The following RUNX1 variants were observed in gnomAD, a reference collection of about 807,000 sequenced individuals.
RUNX1 encodes the protein RUNX family transcription factor 1.
Under a neutral mutation model 42.8 loss-of-function variants are expected in RUNX1, and 19 were observed. That is an observed-to-expected ratio of 0.44 (90% CI 0.31 to 0.65). RUNX1 has a LOEUF of 0.65. Among genes scored for constraint, RUNX1 ranks in the 30% least tolerant of loss-of-function variants. The probability of loss-of-function intolerance (pLI) is 0.07; values close to 1 mark genes in which losing one functional copy is unlikely to be tolerated. For missense variants in RUNX1, 528 were observed against 672.0 expected, an observed-to-expected ratio of 0.79 and a Z score of 2.37; for synonymous variants, 271 against 289.4, an observed-to-expected ratio of 0.94 and a Z score of 0.64.
intron 3 of RUNX1, chr21:34,887,874 T>A: frequency 1.9e-6 from 2 of 1,065,084 alleles, no homozygotes; most frequent in Middle Eastern, 4.2e-4. Context: ...TTCTCTGTTC[T>A]CTCAATGAAT....
intron 2 of RUNX1, among the ~76,000 whole-genome samples, chr21:34,923,533 C>T (rs1221328564): frequency 6.6e-6 from 1 of 152,128 alleles, no homozygotes; most frequent in East Asian, 1.9e-4. Context: ...AAAAAAAGTC[C>T]AAACTCTAAA....
intron 7 of RUNX1, among the ~76,000 whole-genome samples, chr21:34,816,252 C>A (rs566847379): frequency 6.6e-6 from 1 of 152,338 alleles, no homozygotes; most frequent in Non-Finnish European, 1.5e-5. Context: ...GACTCATGCA[C>A]CCCTTTCTCT....
chr21:34,975,734 A>G lies in RUNX1; in HGVS notation c.58+73108T>C, dbSNP rs144887269. Among the ~76,000 whole-genome samples, 457 of 152,186 alleles carry G rather than the reference A, an allele frequency of 3.0e-3. 2 individuals are homozygous for G. The highest frequency in any genetic ancestry group is 0.01 in the African/African-American group (433 of 41,526). Reference sequence around the variant, plus strand: ...GGAAGGAGGGGTGGAGAGGGTAGCAATTGCAAAAATCTTTGTAAAAACAGT... The same window carrying G: ...GGAAGGAGGGGTGGAGAGGGTAGCAGTTGCAAAAATCTTTGTAAAAACAGT... On this transcript the variant is annotated intron_variant, in intron 2 of 8. Coordinates refer to ENST00000675419, the MANE Select transcript of RUNX1 (RefSeq NM_001754.5).
chr21:34,932,308 T>C (rs1341505655), intron 2 of RUNX1, among the ~76,000 whole-genome samples: 1 of 152,150 alleles, frequency 6.6e-6, no homozygotes, highest in East Asian at 1.9e-4. Context: ...GGAGCTGGTT[T>C]TGAGGAAAAG....
At chr21:35,035,796 G>A (rs1450181592) in intron 2 of RUNX1, among the ~76,000 whole-genome samples, 1 of 152,186 alleles carries the variant, frequency 6.6e-6, no homozygotes, top group Admixed American at 6.5e-5. Context: ...GCACAGGTGG[G>A]GGCTGTCCAG....
At chr21:34,810,764 G>A (rs1280029666) in intron 7 of RUNX1, among the ~76,000 whole-genome samples, 2 of 152,166 alleles carry the variant, frequency 1.3e-5, no homozygotes, top group Non-Finnish European at 2.9e-5. Context: ...CTTGAAGGCA[G>A]GAAACAGTCT....
intron 2 of RUNX1, among the ~76,000 whole-genome samples, chr21:34,952,508 G>A (rs1046552628): frequency 7.9e-5 from 12 of 152,096 alleles, no homozygotes; most frequent in Non-Finnish European, 1.3e-4. Flanking sequence ...TTATTCATAC[G>A]TGATAATGTC....
intron 2 of RUNX1, among the ~76,000 whole-genome samples, chr21:34,965,161 C>T (rs545516317): frequency 1.5e-4 from 23 of 152,136 alleles, no homozygotes; most frequent in African/African-American, 5.5e-4. Flanking sequence ...ACAACATGCA[C>T]ACTCTCACAT....
In RUNX1 at chr21:34,898,117, G is replaced by A. The variant is rs1238226696; in HGVS notation, c.59-5154C>T. On this transcript the variant is annotated intron_variant, in intron 2 of 8. Transcript: ENST00000675419. ...TGATTGACAGCCAGCAAGGAAACGA[G>A]GGCCACTATGCTACAGCCCCATGGA... Among the ~76,000 whole-genome samples the A allele has an allele frequency of 2.6e-5, 4 of 152,140 alleles. No individual in the cohort carries two copies. In the South Asian group the frequency reaches 6.2e-4, roughly 24 times the overall value.
At chr21:34,849,378 TAC>T (rs1252859157) in intron 6 of RUNX1, among the ~76,000 whole-genome samples, 3 of 40,710 alleles carry the variant, frequency 7.4e-5, no homozygotes, top group African/African-American at 2.7e-4. Flanking sequence ...ATATACTATA[TAC>T]ATAGTATATA....
chr21:34,962,839 CT>C (rs1485971852), intron 2 of RUNX1, among the ~76,000 whole-genome samples: 1 of 152,246 alleles, frequency 6.6e-6, no homozygotes, highest in East Asian at 1.9e-4. Context: ...ACCGTTGTCA[CT>C]GTCCTGACAA....
intron 2 of RUNX1, among the ~76,000 whole-genome samples, chr21:34,911,008 G>C (rs1285280748): frequency 6.6e-6 from 1 of 152,118 alleles, no homozygotes; most frequent in East Asian, 1.9e-4. Flanking sequence ...GCTTCAAGGT[G>C]ATCCTCCTGC....
chr21:34,889,361 C>T (rs1375905412), intron 3 of RUNX1, among the ~76,000 whole-genome samples: 1 of 152,102 alleles, frequency 6.6e-6, no homozygotes, highest in Non-Finnish European at 1.5e-5. Flanking sequence ...TCAGCGTCTT[C>T]CCTTGGGTCG....
chr21:34,907,225 C>G lies in RUNX1; in HGVS notation c.59-14262G>C, dbSNP rs551512037. Among the ~76,000 whole-genome samples the G allele has an allele frequency of 6.1e-4, 93 of 152,214 alleles. No homozygotes were observed. The highest frequency in any genetic ancestry group is 2.2e-3 in the African/African-American group (90 of 41,532). ...GAGAATCCCACTTAGCATCTGCCCACAGGTAAGGGGCACAGAGAAGGAGAT... is the reference window on the plus strand; with the variant it reads ...GAGAATCCCACTTAGCATCTGCCCAGAGGTAAGGGGCACAGAGAAGGAGAT... On this transcript the variant is annotated intron_variant, in intron 2 of 8. Coordinates refer to ENST00000675419, the MANE Select transcript of RUNX1 (RefSeq NM_001754.5). The surrounding 1 kb of genome is among the most constrained non-coding windows in gnomAD (Gnocchi z 5.3).
intron 7 of RUNX1, among the ~76,000 whole-genome samples, chr21:34,824,838 A>C (rs993321992): frequency 1.3e-5 from 2 of 152,244 alleles, no homozygotes; most frequent in African/African-American, 4.8e-5. Flanking sequence ...TTTCTGTTCC[A>C]TAAGGCAAGG....
At chr21:34,884,371 C>A (rs981745931) in intron 4 of RUNX1, among the ~76,000 whole-genome samples, 1 of 152,168 alleles carries the variant, frequency 6.6e-6, no homozygotes, top group Non-Finnish European at 1.5e-5. Context: ...CCTAAGAAGG[C>A]CTTCAGTGAT....
intron 2 of RUNX1, among the ~76,000 whole-genome samples, chr21:35,005,181 A>G (rs896251180): frequency 2.0e-5 from 3 of 151,992 alleles, no homozygotes; most frequent in Admixed American, 6.6e-5. Flanking sequence ...TGCTTACCCA[A>G]TGTGATGGAG....
intron 2 of RUNX1, among the ~76,000 whole-genome samples, chr21:34,919,557 C>A (rs868377786): frequency 6.6e-6 from 1 of 152,148 alleles, no homozygotes; most frequent in Non-Finnish European, 1.5e-5. Flanking sequence ...TTCACTCACT[C>A]CTTAGTGGCT....
At chr21:34,986,906 A>C (rs1486675675) in intron 2 of RUNX1, among the ~76,000 whole-genome samples, 1 of 152,178 alleles carries the variant, frequency 6.6e-6, no homozygotes, top group Non-Finnish European at 1.5e-5. Flanking sequence ...CAGTCCCCTA[A>C]CCTCAACCAC....
Sources: allele counts gnomAD v4.1 joint callset (sites outside exome capture counted in the v4.1 genomes callset), GRCh38; gene constraint gnomAD v4.1.1; non-coding constraint Gnocchi (gnomAD v3.1); transcripts MANE v1.5; gene names NCBI Gene and HGNC (gene_info 2026-07-23, HGNC 2026-07-21).